The following DIAPH2 variants were observed in gnomAD, a reference collection of about 807,000 sequenced individuals.
DIAPH2 encodes diaphanous related formin 2.
Under a neutral mutation model 92.7 loss-of-function variants are expected in DIAPH2, and 35 were observed. That is an observed-to-expected ratio of 0.38 (90% confidence interval 0.29 to 0.50). DIAPH2 has a LOEUF of 0.50. Ranked by LOEUF, DIAPH2 falls within the 20% of genes least tolerant of loss-of-function variation. DIAPH2 has a pLI of 0.94. For missense variants in DIAPH2, 701 were observed against 819.5 expected, an observed-to-expected ratio of 0.86 and a Z score of 1.77; for synonymous variants, 301 against 280.4, an observed-to-expected ratio of 1.07 and a Z score of -0.73.
chrX:97,187,287 T>TTTTTTTTTTC (rs2067614673), intron 22 of DIAPH2, among the ~76,000 whole-genome samples: 1 of 71,940 alleles, frequency 1.4e-5, no homozygotes, highest in Non-Finnish European at 2.7e-5. Flanking sequence ...TAGCCTTTTT[T>TTTTTTTTTTC]TTTTTTTTTT....
chrX:96,874,911 C>G (rs2065168610), intron 4 of DIAPH2, among the ~76,000 whole-genome samples: 1 of 111,658 alleles, frequency 9.0e-6, no homozygotes, highest in Non-Finnish European at 1.9e-5. Context: ...CTTGACATTT[C>G]TAATACAGGC....
chrX:97,223,678 C>G lies in DIAPH2; in HGVS notation c.2720-24037C>G, dbSNP rs185018799. Reference sequence around the variant, plus strand: ...GCAATTGATATTTAATAAACATTCTCTATTGTGTAGTAAAGCTTGTATTTC... The same window carrying G: ...GCAATTGATATTTAATAAACATTCTGTATTGTGTAGTAAAGCTTGTATTTC... On this transcript the variant is annotated intron_variant, in intron 22 of 26. Transcript: ENST00000324765. Among the ~76,000 whole-genome samples, 5 of 111,166 alleles carry G rather than the reference C, an allele frequency of 4.5e-5. No homozygotes were observed. The East Asian group carries it at 1.4e-3, about 31-fold the overall frequency.
chrX:97,154,549 C>G (rs2067308464), intron 22 of DIAPH2, among the ~76,000 whole-genome samples: 1 of 111,276 alleles, frequency 9.0e-6, no homozygotes, highest in South Asian at 3.8e-4. Flanking sequence ...AAAGTGCTAT[C>G]TTTAGAATTT....
chrX:97,247,817 A>T lies in DIAPH2; in HGVS notation c.2822A>T (p.Asp941Val). 8.3e-7 allele frequency: 1 copy of T among 1,209,659 alleles called. No homozygotes were observed. The highest frequency in any genetic ancestry group is 1.1e-6 in the Non-Finnish European group (1 of 894,228). Residue 941 changes from aspartate (D) to valine (V), a missense_variant, in exon 23 of 27, where the codon GAT becomes GTT. By Grantham distance (152) the Asp-to-Val change is radical (BLOSUM62 -3). Around this residue, in one of 3 missense-constraint regions of DIAPH2, gnomAD observed 536 missense variants for 599.3 expected, o/e 0.89. Transcript: ENST00000324765. Reference protein sequence around the residue: ...KKFPQAENQHDKFVEKMTSFT... With the variant: ...KKFPQAENQHVKFVEKMTSFT... ...TTCCCCCAAGCAGAAAATCAACACG[A>T]TAAGTTTGTGGAAAAGATGACCATA...
intron 22 of DIAPH2, among the ~76,000 whole-genome samples, chrX:97,214,836 T>TAAAAAAA (rs368311868): frequency 4.8e-5 from 3 of 62,779 alleles, no homozygotes; most frequent in South Asian, 1.1e-3. Flanking sequence ...CGTCTCAAAT[T>TAAAAAAA]AAAAAAAAAA....
At chrX:96,953,463 G>A (rs2065789661) in intron 15 of DIAPH2, among the ~76,000 whole-genome samples, 1 of 111,694 alleles carries the variant, frequency 9.0e-6, no homozygotes, top group African/African-American at 3.3e-5. Context: ...TTTCATAAAA[G>A]AGGAAACCAA....
In DIAPH2 at chrX:97,599,415, G is replaced by T. The variant is rs1002867921; in HGVS notation, c.*98G>T. On this transcript the variant is annotated 3_prime_UTR_variant, in exon 27 of 27. Coordinates refer to ENST00000324765, the MANE Select transcript of DIAPH2 (RefSeq NM_006729.5). ...CACTCAGCGGCTGGAAAGGAAATAA[G>T]TGCATTTCTGCAAAGATCAAGATAA... The T allele has an allele frequency of 3.9e-5, 21 of 538,470 alleles. No homozygotes were observed. Among genetic ancestry groups the T allele is most frequent in the Non-Finnish European group, 6.3e-5 (21 of 333,900 alleles). The allele number at this position is 538,470 out of a possible 1,213,427, so 44.4% of individuals were successfully genotyped here. A position where few individuals can be genotyped will look rare whatever the true frequency, so the allele number is the denominator to read the frequency against.
intron 3 of DIAPH2, among the ~76,000 whole-genome samples, chrX:96,747,531 TAA>T (rs2064158275): frequency 1.8e-5 from 2 of 112,449 alleles, no homozygotes; most frequent in Admixed American, 9.4e-5. Context: ...AATTTAATGA[TAA>T]TAGTTATATG....
At chrX:96,727,937 C>T (rs1259834279) in intron 1 of DIAPH2, among the ~76,000 whole-genome samples, 8 of 105,666 alleles carry the variant, frequency 7.6e-5, no homozygotes, top group African/African-American at 2.8e-4. Flanking sequence ...CCAAGCTACT[C>T]GGGAGGCTGA....
chrX:97,054,186 T>A (rs2066539801), intron 17 of DIAPH2, among the ~76,000 whole-genome samples: 2 of 112,195 alleles, frequency 1.8e-5, no homozygotes, highest in South Asian at 3.7e-4. Flanking sequence ...GGTCAATAAC[T>A]GGAAAGGCTG....
chrX:97,146,007 C>CTTTTTTTTTTTTTTTTTT (rs372292277), intron 22 of DIAPH2, among the ~76,000 whole-genome samples: 3 of 43,172 alleles, frequency 6.9e-5, no homozygotes, highest in Non-Finnish European at 1.2e-4. Flanking sequence ...TTTCTTCTTC[C>CTTTTTTTTTTTTTTTTTT]TTTTTTTTTT....
intron 26 of DIAPH2, among the ~76,000 whole-genome samples, chrX:97,517,339 C>T (rs1470888286): frequency 8.9e-6 from 1 of 111,992 alleles, no homozygotes; most frequent in African/African-American, 3.2e-5. Context: ...AACAGCCTAT[C>T]TCGATTTCTG....
intron 24 of DIAPH2, among the ~76,000 whole-genome samples, chrX:97,378,447 C>T (rs772351713): frequency 9.1e-6 from 1 of 109,336 alleles, no homozygotes; most frequent in African/African-American, 3.3e-5. Context: ...TTTGGGAGGC[C>T]GAGGCAGGAG....
chrX:97,599,082 C>T (rs1602692634), intron 26 of DIAPH2, among the ~76,000 whole-genome samples, 171 bp from the exon 27 acceptor site: 1 of 112,172 alleles, frequency 8.9e-6, no homozygotes, highest in African/African-American at 3.2e-5. Context: ...TGAACTCAGC[C>T]GGGCAGCTGC....
At chrX:97,090,298 C>CAT (rs2066813769) in intron 19 of DIAPH2, among the ~76,000 whole-genome samples, 1 of 38,861 alleles carries the variant, frequency 2.6e-5, no homozygotes, top group Non-Finnish European at 4.6e-5. Context: ...TCTCTGATCC[C>CAT]TTTTTTTTTT....
intron 9 of DIAPH2, among the ~76,000 whole-genome samples, chrX:96,923,620 G>A (rs927683742): frequency 2.9e-4 from 32 of 111,518 alleles, no homozygotes; most frequent in South Asian, 1.5e-3. Flanking sequence ...AGTGCAGGTT[G>A]GAAGGTTGGG....
chrX:96,803,610 A>G (rs1276389687), intron 4 of DIAPH2, among the ~76,000 whole-genome samples: 1 of 112,621 alleles, frequency 8.9e-6, no homozygotes, highest in Non-Finnish European at 1.9e-5. Context: ...ATTTCTGCAC[A>G]CATACTCTAT....
intron 23 of DIAPH2, among the ~76,000 whole-genome samples, chrX:97,280,271 G>A (rs977963038): frequency 9.1e-6 from 1 of 110,006 alleles, no homozygotes; most frequent in Non-Finnish European, 1.9e-5. Flanking sequence ...TCAGGAGATA[G>A]AGAGCATCCT....
At chrX:97,005,589 G>C (rs1037761048) in intron 17 of DIAPH2, among the ~76,000 whole-genome samples, 13 of 111,095 alleles carry the variant, frequency 1.2e-4, no homozygotes, top group African/African-American at 4.3e-4. Flanking sequence ...GCCCAGGCTG[G>C]AGTGCAGTGG....
Sources: allele counts gnomAD v4.1 joint callset (sites outside exome capture counted in the v4.1 genomes callset), GRCh38; gene constraint gnomAD v4.1.1; regional missense constraint gnomAD v4.1.1; transcripts MANE v1.5; gene names NCBI Gene and HGNC (gene_info 2026-07-23, HGNC 2026-07-21).